Variants in CNTN3 observed in about 807,000 individuals in gnomAD.
CNTN3 encodes the protein contactin-3.
In CNTN3, 60 loss-of-function variants were observed where a neutral mutation model predicts 119.1. The ratio of observed to expected loss-of-function variants is 0.50; its 90% CI spans 0.41 to 0.62. The LOEUF is 0.62. Ranked by LOEUF, CNTN3 falls within the 20% of genes least tolerant of loss-of-function variation. The pLI is 0.00. For missense variants in CNTN3, 1,101 were observed against 1,242.4 expected, an observed-to-expected ratio of 0.89 and a Z score of 1.71; for synonymous variants, 450 against 438.7, an observed-to-expected ratio of 1.03 and a Z score of -0.32.
intron 11 of CNTN3, among the ~76,000 whole-genome samples, chr3:74,337,892 C>T (rs781313539): frequency 1.2e-4 from 18 of 151,408 alleles, no homozygotes; most frequent in Non-Finnish European, 2.2e-4. Flanking sequence ...TAGGGTGCAT[C>T]AGAAAAGCCT....
chr3:74,576,590 G>C (rs1242333179), intron 1 of CNTN3, among the ~76,000 whole-genome samples: 1 of 151,898 alleles, frequency 6.6e-6, no homozygotes, highest in Non-Finnish European at 1.5e-5. Flanking sequence ...ATGTAGCTGA[G>C]GTAAAAATCA....
chr3:74,282,969 A>C (rs1702043910), intron 20 of CNTN3, among the ~76,000 whole-genome samples: 1 of 152,176 alleles, frequency 6.6e-6, no homozygotes, highest in Admixed American at 6.5e-5. Context: ...GATGAACTCC[A>C]GTTGAATAAT....
chr3:74,518,028 T>TA (rs1463902876), intron 2 of CNTN3, among the ~76,000 whole-genome samples: 1 of 151,884 alleles, frequency 6.6e-6, no homozygotes, highest in African/African-American at 2.4e-5. Context: ...TTTGCAGGAG[T>TA]CAGTTAACTA....
chr3:74,440,214 G>C (rs1247199787), intron 4 of CNTN3, among the ~76,000 whole-genome samples: 6 of 152,012 alleles, frequency 3.9e-5, no homozygotes, highest in Non-Finnish European at 8.8e-5. Flanking sequence ...ACAAAACCAT[G>C]GACAGTTTTC....
In CNTN3 at chr3:74,358,595, TG is replaced by T. The variant is rs1244481172; in HGVS notation, c.1364+3294del. Among the ~76,000 whole-genome samples, 4 of 138,794 alleles carry T rather than the reference TG, an allele frequency of 2.9e-5. No homozygotes were observed. In the East Asian group the frequency reaches 6.3e-4, roughly 22 times the overall value. 91.1% of individuals were successfully genotyped at this position (138,794 alleles called of 152,430 possible). ...GGAAGTGTATTCTTTTTTTTTTTTTTGATTTATTTATTTATTTATTTATTTT... is the reference window on the plus strand; with the variant it reads ...GGAAGTGTATTCTTTTTTTTTTTTTTATTTATTTATTTATTTATTTATTTT... On this transcript the variant is annotated intron_variant, in intron 11 of 22. Transcript: ENST00000263665.
chr3:74,503,234 G>C (rs1316009161), intron 2 of CNTN3, among the ~76,000 whole-genome samples: 3 of 151,964 alleles, frequency 2.0e-5, no homozygotes, highest in Admixed American at 2.0e-4. Context: ...TTCTCAATAT[G>C]GTCAGAGGTG....
At chr3:74,448,072 T>C (rs1372433933) in intron 4 of CNTN3, among the ~76,000 whole-genome samples, 1 of 152,154 alleles carries the variant, frequency 6.6e-6, no homozygotes, top group Non-Finnish European at 1.5e-5. Flanking sequence ...TTCTATGCTA[T>C]GTGCAGCAGA....
chr3:74,603,284 G>C (rs887218577), intron 1 of CNTN3, among the ~76,000 whole-genome samples: 4 of 152,176 alleles, frequency 2.6e-5, no homozygotes, highest in African/African-American at 4.8e-5. Flanking sequence ...CCAGTGGGGA[G>C]TGAAGATGTC....
chr3:74,567,977 T>C (rs1704253042), intron 1 of CNTN3, among the ~76,000 whole-genome samples: 1 of 152,194 alleles, frequency 6.6e-6, no homozygotes, highest in Admixed American at 6.5e-5. Context: ...GAGTTACTAA[T>C]TGAGGCCCTC....
At position 74,336,580 on chromosome 3, in the gene CNTN3, T is replaced by C. The variant is rs750908801; in HGVS notation, c.1443A>G (p.Ala481=). Residue 481 remains alanine, a synonymous_variant, in exon 12 of 23, where the codon GCA becomes GCG. Transcript: ENST00000263665. Reference sequence around the variant, plus strand: ...CATTTGCTTTCCCAAACTGGTTTTCTGCCATGCAGGTGTAAGTTCCAGCAT... The same window carrying C: ...CATTTGCTTTCCCAAACTGGTTTTCCGCCATGCAGGTGTAAGTTCCAGCAT... ...KADAGTYTCM[A]ENQFGKANGT... is the part of the protein sequence containing the mutation. The C allele has an allele frequency of 6.2e-7, 1 of 1,612,916 alleles. No homozygotes were observed. The highest frequency in any genetic ancestry group is 2.2e-5 in the East Asian group (1 of 44,864).
At chr3:74,531,769 T>C (rs1346278786) in intron 1 of CNTN3, among the ~76,000 whole-genome samples, 1 of 151,954 alleles carries the variant, frequency 6.6e-6, no homozygotes, top group Non-Finnish European at 1.5e-5. Flanking sequence ...GTGCAGAGTG[T>C]TCAGTTCTGC....
At chr3:74,451,628 T>G (rs535523992) in intron 4 of CNTN3, among the ~76,000 whole-genome samples, 1 of 152,334 alleles carries the variant, frequency 6.6e-6, no homozygotes, top group African/African-American at 2.4e-5. Flanking sequence ...GGTTTTCTTC[T>G]ATGGTTTTTA....
At chr3:74,536,706 T>C (rs1250687827) in intron 1 of CNTN3, among the ~76,000 whole-genome samples, 1 of 152,102 alleles carries the variant, frequency 6.6e-6, no homozygotes, top group Non-Finnish European at 1.5e-5. Context: ...GGTACTACCA[T>C]GTGGACATTT....
At chr3:74,504,517 G>A (rs2107088497) in intron 2 of CNTN3, among the ~76,000 whole-genome samples, 1 of 152,226 alleles carries the variant, frequency 6.6e-6, no homozygotes, top group East Asian at 1.9e-4. Flanking sequence ...TTTAAAGCTG[G>A]AAAATGCCAA....
intron 20 of CNTN3, among the ~76,000 whole-genome samples, chr3:74,275,103 C>G (rs1452892976): frequency 1.3e-5 from 2 of 152,090 alleles, no homozygotes; most frequent in East Asian, 1.9e-4. Flanking sequence ...CCAACAAACA[C>G]AAAGAAAAAA....
At chr3:74,343,585 A>G (rs1033786738) in intron 11 of CNTN3, among the ~76,000 whole-genome samples, 7 of 152,222 alleles carry the variant, frequency 4.6e-5, no homozygotes, top group African/African-American at 9.6e-5. Flanking sequence ...GGCTGTCCAG[A>G]ATTGATTCCT....
At chr3:74,396,974 T>A (rs1705073251) in intron 5 of CNTN3, among the ~76,000 whole-genome samples, 2 of 152,168 alleles carry the variant, frequency 1.3e-5, no homozygotes. Flanking sequence ...AGACTTTCAA[T>A]GTAGATGAAA....
chr3:74,495,688 G>C (rs1038081334), intron 3 of CNTN3, among the ~76,000 whole-genome samples: 43 of 151,996 alleles, frequency 2.8e-4, no homozygotes, highest in African/African-American at 1.0e-3. Flanking sequence ...TTGACTATCA[G>C]TAAATTAAAT....
At chr3:74,596,813 G>C (rs570152027) in intron 1 of CNTN3, among the ~76,000 whole-genome samples, 10 of 152,056 alleles carry the variant, frequency 6.6e-5, no homozygotes, top group Non-Finnish European at 8.8e-5. Context: ...GACCACCACG[G>C]GTTCTTCAAT....
Sources: allele counts gnomAD v4.1 joint callset (sites outside exome capture counted in the v4.1 genomes callset), GRCh38; gene constraint gnomAD v4.1.1; transcripts MANE v1.5; gene names NCBI Gene and HGNC (gene_info 2026-07-23, HGNC 2026-07-21).